The following RLN2 variants were observed in gnomAD, a reference collection of about 807,000 sequenced individuals.
The protein encoded by RLN2 is prorelaxin H2.
A neutral mutation model predicts 7.3 loss-of-function variants in RLN2; 10 were observed. The ratio of observed to expected loss-of-function variants is 1.36; its 90% CI spans 0.84 to 2.31. The LOEUF is 2.31. Ranked by LOEUF, RLN2 falls within the 30% of genes most tolerant of loss-of-function variation. The pLI is 0.00. For synonymous variants in RLN2, 103 were observed against 82.3 expected, an observed-to-expected ratio of 1.25 and a Z score of -1.36; for missense variants, 298 against 217.6, an observed-to-expected ratio of 1.37 and a Z score of -2.32.
chr9:5,311,559 TCAAGCCTAAAAACGC>T, the RLN2 span: 1 of 763,504 alleles, frequency 1.3e-6, no homozygotes, highest in South Asian at 1.4e-5. Context: ...AAGCCAGAGC[TCAAGCCTAAAAACGC>T]CCATGCAAAG....
At chr9:5,331,923 T>G in the RLN2 span, among the ~76,000 whole-genome samples, 204 of 152,168 alleles carry the variant, frequency 1.3e-3, 1 homozygote, top group African/African-American at 4.7e-3. Context: ...GACTAAGTAA[T>G]TCCCATTCTA....
chr9:5,318,956 T>C, the RLN2 span, among the ~76,000 whole-genome samples: 1 of 151,994 alleles, frequency 6.6e-6, no homozygotes, highest in African/African-American at 2.4e-5. Flanking sequence ...CTCATGGAAA[T>C]GAACACTGAA....
chr9:5,314,074 A>T, the RLN2 span, among the ~76,000 whole-genome samples: 1 of 151,996 alleles, frequency 6.6e-6, no homozygotes, highest in Non-Finnish European at 1.5e-5. Context: ...CACAGGCACT[A>T]AGCCCAGCTG....
Position 5,300,141 on chromosome 9 carries a change from C to A in RLN2, c.515G>T (p.Cys172Phe). Residue 172 changes from cysteine (C) to phenylalanine (F), a missense_variant, in exon 2 of 2, where the codon TGC becomes TTC. By Grantham distance (205) the Cys-to-Phe change is radical. Coordinates refer to ENST00000381627, the MANE Select transcript of RLN2 (RefSeq NM_134441.3). ...QLYSALANKCCHVGCTKRSLA... is the reference protein window; with the variant it reads ...QLYSALANKCFHVGCTKRSLA... The stretch of plus-strand genomic sequence containing the variant: ...AGATCTTTTGGTACAACCAACATGG[C>A]AACATTTATTAGCCAATGCACTGTA... 1 of 1,604,756 alleles carries A rather than the reference C, an allele frequency of 6.2e-7. No individual in the cohort carries two copies. The highest frequency in any genetic ancestry group is 8.5e-7 in the Non-Finnish European group (1 of 1,177,448).
the RLN2 span, among the ~76,000 whole-genome samples, chr9:5,313,484 G>C: frequency 6.6e-6 from 1 of 151,986 alleles, no homozygotes; most frequent in African/African-American, 2.4e-5. Flanking sequence ...GTCTCTTGCA[G>C]AGAGCATAGA....
the RLN2 span, among the ~76,000 whole-genome samples, chr9:5,326,336 C>G: frequency 1.3e-5 from 2 of 152,028 alleles, no homozygotes; most frequent in African/African-American, 2.4e-5. Context: ...AAGAAGGAAA[C>G]AGTATTAAGC....
At chr9:5,328,458 G>T in the RLN2 span, among the ~76,000 whole-genome samples, 1 of 152,080 alleles carries the variant, frequency 6.6e-6, no homozygotes, top group African/African-American at 2.4e-5. Context: ...AAGTGACGGG[G>T]AGAATGGAAC....
chr9:5,305,560 CATTTA>C (rs976412948), upstream of RLN2, among the ~76,000 whole-genome samples: 50 of 151,444 alleles, frequency 3.3e-4, no homozygotes, highest in Middle Eastern at 3.4e-3. Flanking sequence ...TTTTTACCAT[CATTTA>C]ATTTAACTTT....
Position 5,300,353 on chromosome 9 carries a change from G to T in RLN2, c.303C>A (p.Thr101=). Residue 101 remains threonine (T), a synonymous_variant, in exon 2 of 2, where the codon ACC becomes ACA. Transcript: ENST00000381627. ...GTAATGCTGGCTGCATCTCAGACAG[G>T]GTTAACTTCAGCTCCTGTGGCAAAT... is the stretch of plus-strand genomic sequence containing the variant. ...VANLPQELKL[T]LSEMQPALPQ... 2 of 1,613,694 alleles carry T rather than the reference G, an allele frequency of 1.2e-6. No individual in the cohort carries two copies. Among genetic ancestry groups the T allele is most frequent in the Non-Finnish European group, 1.7e-6 (2 of 1,179,826 alleles).
chr9:5,333,997 C>G, the RLN2 span, among the ~76,000 whole-genome samples: 94 of 152,114 alleles, frequency 6.2e-4, 1 homozygote, highest in African/African-American at 2.2e-3. Flanking sequence ...TCTCAATAAA[C>G]TAAGTATTGA....
At chr9:5,334,856 G>A in the RLN2 span, 1 of 157,504 alleles carries the variant, frequency 6.3e-6, no homozygotes, top group Non-Finnish European at 1.4e-5. Context: ...TATTAGGAAA[G>A]TTCAAGTTGT....
At chr9:5,328,260 C>T in the RLN2 span, among the ~76,000 whole-genome samples, 38,307 of 151,718 alleles carry the variant, frequency 0.25, 5,351 homozygotes, top group East Asian at 0.4. Context: ...AACTTCGTGA[C>T]GCATGCACAA....
chr9:5,335,046 G>C, the RLN2 span: 1 of 460,736 alleles, frequency 2.2e-6, no homozygotes, highest in Non-Finnish European at 3.8e-6. Context: ...TTAATAAAAA[G>C]ACAAAAAGAC....
In RLN2 at chr9:5,300,108, C is replaced by T; in HGVS notation, c.548G>A (p.Arg183Lys). 1 of 1,593,388 alleles carries T rather than the reference C, an allele frequency of 6.3e-7. No homozygotes were observed. The highest frequency in any genetic ancestry group is 8.5e-7 in the Non-Finnish European group (1 of 1,172,032). The stretch of plus-strand genomic sequence containing the variant: ...ACAATTAGCTTCATCTCAGCAAAAT[C>T]TAGCAAGAGATCTTTTGGTACAACC... Reference protein sequence around the residue: ...HVGCTKRSLARFC With the variant: ...HVGCTKRSLAKFC Residue 183 changes from arginine (R) to lysine (K), a missense_variant, in exon 2 of 2, where the codon AGA (arginine) becomes AAA (lysine). Coordinates refer to ENST00000381627, the MANE Select transcript of RLN2 (RefSeq NM_134441.3).
At chr9:5,331,919 G>T in the RLN2 span, among the ~76,000 whole-genome samples, 1 of 151,892 alleles carries the variant, frequency 6.6e-6, no homozygotes, top group Non-Finnish European at 1.5e-5. Flanking sequence ...CCTTGACTAA[G>T]TAATTCCCAT....
At chr9:5,307,252 TGATAGATA>T (rs148921093), upstream of RLN2, among the ~76,000 whole-genome samples, 1 of 143,870 alleles carries the variant, frequency 7.0e-6, no homozygotes, top group Admixed American at 7.0e-5. Flanking sequence ...GATAGATAGA[TGATAGATA>T]GATAGATAGA....
chr9:5,302,342 T>G (rs542378021), intron 1 of RLN2, among the ~76,000 whole-genome samples: 1 of 152,178 alleles, frequency 6.6e-6, no homozygotes, highest in Non-Finnish European at 1.5e-5. Flanking sequence ...AAAGGGTATC[T>G]TATTTTTAAA....
upstream of RLN2, among the ~76,000 whole-genome samples, chr9:5,306,279 T>C (rs909182045): frequency 1.3e-5 from 2 of 151,794 alleles, no homozygotes; most frequent in African/African-American, 4.9e-5. Flanking sequence ...GGCTAATTTT[T>C]GTATTTTTAT....
chr9:5,322,734 T>G, the RLN2 span, among the ~76,000 whole-genome samples: 3 of 152,058 alleles, frequency 2.0e-5, no homozygotes, highest in Non-Finnish European at 2.9e-5. Flanking sequence ...GAGATGTCCA[T>G]ATCTGAGATA....
Sources: allele counts gnomAD v4.1 joint callset (sites outside exome capture counted in the v4.1 genomes callset), GRCh38; gene constraint gnomAD v4.1.1; transcripts MANE v1.5; gene names NCBI Gene and HGNC (gene_info 2026-07-23, HGNC 2026-07-21).